Variants in SYN1 observed in about 807,000 individuals in gnomAD.
SYN1 encodes synapsin I.
In SYN1, 8 loss-of-function variants were observed where a neutral mutation model predicts 44.6. The ratio of observed to expected loss-of-function variants is 0.18; its 90% CI spans 0.11 to 0.32. The LOEUF is 0.32. SYN1 is among the 10% of genes least tolerant of loss of function. The pLI, the probability that SYN1 is intolerant of heterozygous loss-of-function variation, is 1.00. For missense variants in SYN1, 451 were observed against 639.4 expected (o/e 0.71, Z 3.18); for synonymous variants, 275 against 280.1 (o/e 0.98, Z 0.18).
intron 5 of SYN1, 108 bp downstream of exon 5, chrX:47,604,870 C>G: frequency 2.6e-6 from 2 of 755,606 alleles, no homozygotes; most frequent in Non-Finnish European, 4.0e-6. Flanking sequence ...CACGTGCACA[C>G]AGCAGCCACA....
intron 5 of SYN1, among the ~76,000 whole-genome samples, chrX:47,579,708 A>T (rs1603053436): frequency 8.9e-6 from 1 of 111,992 alleles, no homozygotes; most frequent in East Asian, 2.8e-4. Flanking sequence ...CGAGGGGCCA[A>T]GGCAGGACTT....
chrX:47,575,366 C>G, intron 9 of SYN1, 92 bp from the exon 10 acceptor site: 2 of 1,033,228 alleles, frequency 1.9e-6, no homozygotes, highest in South Asian at 2.1e-5. Context: ...AGGGCATGGC[C>G]GCCGCTGAGC....
Position 47,619,622 on chromosome X carries a change from C to T in SYN1, c.107G>A (p.Gly36Asp), listed in dbSNP as rs1336370283. The T allele has an allele frequency of 8.6e-7, 1 of 1,159,449 alleles. No homozygotes were observed. The highest frequency in any genetic ancestry group is 1.2e-6 in the Non-Finnish European group (1 of 868,718). ...GGGCGTGGCTCCGGGGCTGTGGGCA[C>T]CGGGCGGCGGTGGGGGCGGCTGCGG... The part of the protein sequence containing the change: ...QRPQPPPPPP[G>D]AHSPGATPGP... Residue 36 changes from glycine to aspartate, a missense_variant, in exon 1 of 13, where the codon GGT (glycine) becomes GAT (aspartate). By Grantham distance (94) the Gly-to-Asp change is moderately conservative. Around this residue, in one of 3 missense-constraint regions of SYN1, gnomAD observed 315 missense variants for 451.4 expected, o/e 0.70. Coordinates refer to ENST00000295987, the MANE Select transcript of SYN1 (RefSeq NM_006950.3).
At position 47,619,522 on chromosome X, in the gene SYN1, C is replaced by T. The variant is rs1385669109; in HGVS notation, c.207G>A (p.Gly69=). The T allele has an allele frequency of 8.3e-7, 1 of 1,197,991 alleles. No individual in the cohort carries two copies. Among genetic ancestry groups the T allele is most frequent in the Non-Finnish European group, 1.1e-6 (1 of 891,359 alleles). The change falls in exon 1 of 13, where the codon GGG becomes GGA. Residue 69 remains glycine, a synonymous_variant. Transcript: ENST00000295987. ...AGAAGAAGCCACCGCCCCCCGAGGA[C>T]CCGGGGCTAGGGGCGGCCGGAGAGG... is the stretch of plus-strand genomic sequence containing the variant. ...PAASPAAPSP[G]SSGGGGFFSS...
chrX:47,578,506 T>C (rs1338277089), intron 5 of SYN1, among the ~76,000 whole-genome samples: 1 of 111,355 alleles, frequency 9.0e-6, no homozygotes, highest in Non-Finnish European at 1.9e-5. Context: ...TTGCCACATA[T>C]ACAATACAGA....
Position 47,582,012 on chromosome X carries a change from A to G in SYN1, c.775-4511T>C. ...ACCAGCATGTCAGACATACAAAACA[A>G]GGGATTTTTGTGTGCTTGGCACACA... On this transcript the variant is annotated intron_variant, in intron 5 of 12. Transcript: ENST00000295987. 2.7e-5 allele frequency among the ~76,000 whole-genome samples: 3 copies of G among 112,729 alleles called. No individual in the cohort carries two copies. In the South Asian group the frequency reaches 1.1e-3, roughly 41 times the overall value.
In SYN1 at chrX:47,609,005, G is replaced by GACACACACACACAC. The variant is rs757667668; in HGVS notation, c.378-1821_378-1808dup. Among the ~76,000 whole-genome samples, 788 of 87,391 alleles carry GACACACACACACAC rather than the reference G, an allele frequency of 9.0e-3. 9 individuals carry two copies. The highest frequency in any genetic ancestry group is 0.025 in the African/African-American group (578 of 23,561). The allele number at this position is 87,391 out of a possible 115,157, so 75.9% of individuals were successfully genotyped here. A position where few individuals can be genotyped will look rare whatever the true frequency, so the allele number is the denominator to read the frequency against. The stretch of plus-strand genomic sequence containing the variant: ...ACTTCTTTTTCCTTGCTCTCTCTCT[G>GACACACACACACAC]ACACACACACACACACACACACACA... On this transcript the variant is annotated intron_variant, in intron 1 of 12. Coordinates refer to ENST00000295987, the MANE Select transcript of SYN1 (RefSeq NM_006950.3).
chrX:47,575,458 G>C (rs1371568246), intron 9 of SYN1, among the ~76,000 whole-genome samples, 184 bp from the exon 10 acceptor site: 1 of 112,635 alleles, frequency 8.9e-6, no homozygotes, highest in Admixed American at 9.3e-5. Flanking sequence ...AGGTGCTTCA[G>C]AGCAGGGCTC....
intron 12 of SYN1, among the ~76,000 whole-genome samples, chrX:47,573,723 T>C (rs754475437): frequency 9.1e-6 from 1 of 110,251 alleles, no homozygotes; most frequent in East Asian, 2.9e-4. Flanking sequence ...TGGGAGGCCC[T>C]GGAGGAGGAA....
rs1240399577 is a variant in SYN1, at chrX:47,605,045, T to C, written c.707A>G (p.His236Arg). ...PWVFAQMVRL[H>R]KKLGTEEFPL... ...GAATTCTTCTGTCCCCAGTTTCTTA[T>C]GCAGTCGAACCATCTGGGCAAACTA... Residue 236 changes from histidine to arginine, a missense_variant, in exon 5 of 13, where the codon CAT becomes CGT. By Grantham distance (29) the His-to-Arg change is conservative. This residue lies in a region of SYN1 where 315 missense variants were observed against 451.4 expected (regional missense o/e 0.70). Coordinates refer to ENST00000295987, the MANE Select transcript of SYN1 (RefSeq NM_006950.3). 5 of 1,210,161 alleles carry C rather than the reference T, an allele frequency of 4.1e-6. No individual in the cohort carries two copies. Among genetic ancestry groups the C allele is most frequent in the Non-Finnish European group, 5.6e-6 (5 of 895,184 alleles).
At chrX:47,577,104 A>G (rs1490141293) in intron 6 of SYN1, among the ~76,000 whole-genome samples, 2 of 111,103 alleles carry the variant, frequency 1.8e-5, no homozygotes, top group Admixed American at 9.6e-5. Flanking sequence ...ACTTTGGAAC[A>G]TAAAAGATCA....
At chrX:47,586,095 C>G in intron 5 of SYN1, 1 of 945,113 alleles carries the variant, frequency 1.1e-6, no homozygotes, top group African/African-American at 2.0e-5. Flanking sequence ...GGGTGTTACA[C>G]TGACCTCCTG....
intron 6 of SYN1, 58 bp from the exon 7 acceptor site, chrX:47,576,698 G>A (rs2057778808): frequency 8.4e-7 from 1 of 1,186,084 alleles, no homozygotes; most frequent in African/African-American, 1.8e-5. Context: ...TGTGGGGAGT[G>A]GGGGTGCCTG....
At chrX:47,613,705 C>G (rs1053874804) in intron 1 of SYN1, among the ~76,000 whole-genome samples, 2 of 111,421 alleles carry the variant, frequency 1.8e-5, no homozygotes, top group Admixed American at 1.9e-4. Context: ...AAAGTGGGCC[C>G]ATGACCATGG....
rs188549377 is a variant in SYN1, at chrX:47,591,448, C to T, written c.774+13530G>A. Among the ~76,000 whole-genome samples, 582 of 111,006 alleles carry T rather than the reference C, an allele frequency of 5.2e-3. 1 individual carries two copies. Among genetic ancestry groups the T allele is most frequent in the African/African-American group, 0.018 (557 of 30,586 alleles). On this transcript the variant is annotated intron_variant, in intron 5 of 12. Coordinates refer to ENST00000295987, the MANE Select transcript of SYN1 (RefSeq NM_006950.3). ...ATGAAATGTTAGTATAGGCCGGGCG[C>T]GGTGGCTCACACCTATAATCCCAGC...
chrX:47,600,333 A>G (rs767996794), intron 5 of SYN1, among the ~76,000 whole-genome samples: 32 of 110,805 alleles, frequency 2.9e-4, no homozygotes, highest in Non-Finnish European at 4.7e-4. Context: ...CTGGGACTAT[A>G]GGCGTGTGCC....
chrX:47,606,004 T>C (rs766808191), intron 3 of SYN1, among the ~76,000 whole-genome samples: 1 of 110,405 alleles, frequency 9.1e-6, no homozygotes, highest in South Asian at 3.9e-4. Flanking sequence ...GCGATTTCCC[T>C]GCCTCAGCCT....
chrX:47,598,519 C>T (rs1174023838), intron 5 of SYN1, among the ~76,000 whole-genome samples: 1 of 111,534 alleles, frequency 9.0e-6, no homozygotes, highest in Non-Finnish European at 1.9e-5. Context: ...ATGGCAAGGT[C>T]CTGTCTCTAC....
intron 6 of SYN1, 117 bp from the exon 7 acceptor site, chrX:47,576,757 A>C (rs2057779051): frequency 1.0e-6 from 1 of 982,114 alleles, no homozygotes; most frequent in Non-Finnish European, 1.4e-6. Context: ...CACAAAAATT[A>C]GGTGGACATG....
Sources: gnomAD v4.1 joint callset for allele counts (sites outside exome capture counted in the v4.1 genomes callset) on GRCh38, gnomAD v4.1.1 for gene constraint, gnomAD v4.1.1 regional missense constraint, MANE v1.5 for transcripts, NCBI Gene and HGNC (gene_info 2026-07-23, HGNC 2026-07-21) for gene names.